The following CNTN5 variants were observed in gnomAD, a reference collection of about 807,000 sequenced individuals.
CNTN5 encodes the protein contactin 5, also known as contactin-5.
A neutral mutation model predicts 129.1 loss-of-function variants in CNTN5; 77 were observed. That is an observed-to-expected ratio of 0.60 (90% CI 0.50 to 0.72). CNTN5 has a LOEUF of 0.72. CNTN5 is among the 30% of genes least tolerant of loss of function. The probability of loss-of-function intolerance (pLI) is 0.00; values close to 1 mark genes in which losing one functional copy is unlikely to be tolerated. For missense variants in CNTN5, 1,478 were observed against 1,328.8 expected, an observed-to-expected ratio of 1.11 and a Z score of -1.75; for synonymous variants, 509 against 465.6, an observed-to-expected ratio of 1.09 and a Z score of -1.20.
chr11:99,947,829 G>T (rs747252497), intron 7 of CNTN5, among the ~76,000 whole-genome samples: 3 of 152,070 alleles, frequency 2.0e-5, no homozygotes, highest in Non-Finnish European at 2.9e-5. Context: ...CATAAAATCT[G>T]CATAACATGA....
At chr11:99,341,490 A>G (rs941683584) in intron 2 of CNTN5, among the ~76,000 whole-genome samples, 2 of 152,152 alleles carry the variant, frequency 1.3e-5, no homozygotes, top group Admixed American at 6.6e-5. Flanking sequence ...TTGAATCCCA[A>G]TTCTAGTAAT....
intron 1 of CNTN5, among the ~76,000 whole-genome samples, chr11:99,096,776 A>T (rs191144741): frequency 6.6e-6 from 1 of 151,712 alleles, no homozygotes; most frequent in East Asian, 1.9e-4. Context: ...CTAAATACGT[A>T]TGAAGGGTGT....
chr11:99,150,252 G>C (rs1437898427), intron 1 of CNTN5, among the ~76,000 whole-genome samples: 1 of 151,922 alleles, frequency 6.6e-6, no homozygotes, highest in East Asian at 1.9e-4. Context: ...TTTGGGCTAG[G>C]TTCACAGCTC....
At chr11:100,316,438 T>C (rs1951573804) in intron 21 of CNTN5, among the ~76,000 whole-genome samples, 1 of 152,128 alleles carries the variant, frequency 6.6e-6, no homozygotes, top group Non-Finnish European at 1.5e-5. Flanking sequence ...AGAAATACGT[T>C]GGAACAATAT....
In CNTN5 at chr11:99,391,301, G is replaced by T. The variant is rs1389472664; in HGVS notation, c.-71+65817G>T. Among the ~76,000 whole-genome samples the T allele has an allele frequency of 3.3e-5, 5 of 152,058 alleles. No homozygotes were observed. The East Asian group carries it at 9.6e-4, about 29-fold the overall frequency. ...AGATTGTTCTTTTAATTATAACTCT[G>T]AACTATATTGTAAATCCATTTGTTA... is the stretch of plus-strand genomic sequence containing the variant. On this transcript the variant is annotated intron_variant, in intron 2 of 24. Coordinates refer to ENST00000524871, the MANE Select transcript of CNTN5 (RefSeq NM_014361.4).
At chr11:100,341,770 CTT>C (rs1311729746) in intron 23 of CNTN5, among the ~76,000 whole-genome samples, 2 of 151,950 alleles carry the variant, frequency 1.3e-5, no homozygotes, top group Non-Finnish European at 2.9e-5. Flanking sequence ...TGAAAAATAA[CTT>C]TGTTATCTGA....
chr11:99,078,041 A>G (rs751389878), intron 1 of CNTN5, among the ~76,000 whole-genome samples: 1 of 152,174 alleles, frequency 6.6e-6, no homozygotes, highest in Non-Finnish European at 1.5e-5. Context: ...TTTTCATCCT[A>G]TCTTTGCTAA....
At chr11:99,305,998 A>AAT (rs936422655) in intron 1 of CNTN5, among the ~76,000 whole-genome samples, 14 of 152,072 alleles carry the variant, frequency 9.2e-5, no homozygotes, top group African/African-American at 3.1e-4. Flanking sequence ...AAAGAAAAAA[A>AAT]ATAGTTTTAT....
intron 7 of CNTN5, among the ~76,000 whole-genome samples, chr11:99,933,201 C>G (rs1950230768): frequency 6.6e-6 from 1 of 152,096 alleles, no homozygotes; most frequent in Non-Finnish European, 1.5e-5. Flanking sequence ...AAATCTTACT[C>G]TAGAGAAATA....
intron 2 of CNTN5, among the ~76,000 whole-genome samples, chr11:99,447,898 C>A (rs1005353574): frequency 1.3e-5 from 2 of 152,004 alleles, no homozygotes; most frequent in African/African-American, 2.4e-5. Context: ...GCACTCCTGC[C>A]TGGGTAACAG....
intron 2 of CNTN5, among the ~76,000 whole-genome samples, chr11:99,396,881 T>G (rs1437471041): frequency 6.6e-6 from 1 of 151,760 alleles, no homozygotes. Flanking sequence ...AAGTATCTAG[T>G]GCATACGACA....
At chr11:99,314,566 A>G (rs181353771) in intron 1 of CNTN5, among the ~76,000 whole-genome samples, 3 of 152,194 alleles carry the variant, frequency 2.0e-5, no homozygotes, top group Admixed American at 1.3e-4. Context: ...GCATCTTTCT[A>G]TGGAGCAGGT....
At chr11:99,820,930 CTT>C (rs1451960499) in intron 4 of CNTN5, among the ~76,000 whole-genome samples, 1 of 152,202 alleles carries the variant, frequency 6.6e-6, no homozygotes, top group East Asian at 1.9e-4. Context: ...TGCAGGCAAA[CTT>C]ATCCTTTGTG....
At chr11:99,280,579 A>C (rs1194559054) in intron 1 of CNTN5, among the ~76,000 whole-genome samples, 1 of 151,760 alleles carries the variant, frequency 6.6e-6, no homozygotes, top group Admixed American at 6.6e-5. Context: ...AAAAAAAATG[A>C]ACAAACCAAA....
rs1004032933 is a variant in CNTN5, at chr11:100,328,984, G to A, written c.2731-11479G>A. Among the ~76,000 whole-genome samples, 8 of 152,236 alleles carry A rather than the reference G, an allele frequency of 5.3e-5. No individual in the cohort carries two copies. In the East Asian group the frequency reaches 1.5e-3, roughly 29 times the overall value. On this transcript the variant is annotated intron_variant, in intron 21 of 24. Transcript: ENST00000524871. ...AAGCTCCTTGAGATGCTAAAAAACT[G>A]AGTCGGCTTGGTTTTTCAACGAGGA...
chr11:99,886,466 T>C (rs1156443905), intron 6 of CNTN5, among the ~76,000 whole-genome samples: 2 of 152,136 alleles, frequency 1.3e-5, no homozygotes, highest in Admixed American at 1.3e-4. Context: ...AGATTCAAAG[T>C]AAGTCCATAT....
chr11:99,338,355 T>C (rs1334389427), intron 2 of CNTN5, among the ~76,000 whole-genome samples: 3 of 152,172 alleles, frequency 2.0e-5, no homozygotes, highest in African/African-American at 7.2e-5. Context: ...AGGGGCATAA[T>C]AAGATTCAGT....
chr11:99,715,097 T>C (rs938458213), intron 3 of CNTN5, among the ~76,000 whole-genome samples: 5 of 151,968 alleles, frequency 3.3e-5, no homozygotes, highest in Non-Finnish European at 4.4e-5. Flanking sequence ...TTTTGTGACG[T>C]GTAATAAATG....
At chr11:100,128,266 CTA>C (rs1254174498) in intron 13 of CNTN5, among the ~76,000 whole-genome samples, 1 of 152,164 alleles carries the variant, frequency 6.6e-6, no homozygotes, top group African/African-American at 2.4e-5. Flanking sequence ...AACAGAAGCA[CTA>C]TGTGTTCATG....
Sources: allele counts gnomAD v4.1 joint callset (sites outside exome capture counted in the v4.1 genomes callset), GRCh38; gene constraint gnomAD v4.1.1; transcripts MANE v1.5; gene names NCBI Gene and HGNC (gene_info 2026-07-23, HGNC 2026-07-21).